The following EPHB2 variants were observed in gnomAD, a reference collection of about 807,000 sequenced individuals.
EPHB2 encodes the protein EPH receptor B2, also known as ephrin type-B receptor 2.
EPHB2 carries 18 observed loss-of-function variants against 96.4 expected under a neutral mutation model. The ratio of observed to expected loss-of-function variants is 0.19; its 90% CI spans 0.13 to 0.28. EPHB2 has a LOEUF of 0.28. Ranked by LOEUF, EPHB2 falls within the 10% of genes least tolerant of loss-of-function variation. The probability of loss-of-function intolerance (pLI) is 1.00; values close to 1 mark genes in which losing one functional copy is unlikely to be tolerated. For synonymous variants in EPHB2, 506 were observed against 534.1 expected (o/e 0.95, Z 0.72); for missense variants, 989 against 1,355.4 (o/e 0.73, Z 4.25).
In EPHB2 at chr1:22,865,205, C is replaced by T; in HGVS notation, c.1296C>T (p.Asn432=). ...PQFASVNITT[N]QAAPSAVSIM... ...TCGCCTCTGTGAACATCACCACCAACCAGGCAGGTAAGTGCTTCCGACGTG... is the reference window on the plus strand; with the variant it reads ...TCGCCTCTGTGAACATCACCACCAATCAGGCAGGTAAGTGCTTCCGACGTG... Residue 432 remains asparagine, a synonymous_variant, in exon 5 of 16, where the codon AAC becomes AAT. Transcript: ENST00000374630. 3 of 1,614,248 alleles carry T rather than the reference C, an allele frequency of 1.9e-6. No homozygotes were observed. In the Admixed American group the frequency reaches 5.0e-5, roughly 27 times the overall value.
chr1:22,884,498 T>C (rs962920742), intron 6 of EPHB2, among the ~76,000 whole-genome samples: 4 of 151,656 alleles, frequency 2.6e-5, no homozygotes, highest in African/African-American at 9.7e-5. Context: ...TGCACACCTG[T>C]AATCCCAGCT....
chr1:22,747,060 C>A (rs368589385), intron 1 of EPHB2, among the ~76,000 whole-genome samples: 66 of 152,174 alleles, frequency 4.3e-4, no homozygotes, highest in African/African-American at 1.5e-3. Flanking sequence ...AAACTGAGGC[C>A]CAGAGAGGGA....
At chr1:22,845,370 G>A (rs767559635) in intron 3 of EPHB2, among the ~76,000 whole-genome samples, 10 of 152,294 alleles carry the variant, frequency 6.6e-5, no homozygotes, top group South Asian at 2.1e-4. Context: ...AGTTCTGGCC[G>A]CTTTTGGAAC....
intron 1 of EPHB2, among the ~76,000 whole-genome samples, chr1:22,760,624 G>A (rs1644222267): frequency 6.6e-6 from 1 of 152,130 alleles, no homozygotes; most frequent in Non-Finnish European, 1.5e-5. Context: ...CACATGCCAT[G>A]ATCCCCTGTC....
At position 22,846,828 on chromosome 1, in the gene EPHB2, T is replaced by G. The variant is rs371367753; in HGVS notation, c.812-16209T>G. ...ACCACAGTGGTAGAGACCCCTCCTC[T>G]GGGCTTCCAGACCCAGCGCCTCTTC... On this transcript the variant is annotated intron_variant, in intron 3 of 15. Transcript: ENST00000374630. This position sits in a 1 kb window ranked among gnomAD's most constrained non-coding sequence, Gnocchi z 4.3. Among the ~76,000 whole-genome samples the G allele has an allele frequency of 6.8e-4, 103 of 152,330 alleles. No homozygotes were observed. In the East Asian group the frequency reaches 0.014, roughly 21 times the overall value.
intron 3 of EPHB2, among the ~76,000 whole-genome samples, chr1:22,821,875 T>C (rs1054813926): frequency 1.3e-5 from 2 of 152,290 alleles, no homozygotes; most frequent in South Asian, 4.2e-4. Flanking sequence ...TAGGGGTGGT[T>C]TTTGCTTAGT....
At chr1:22,854,297 G>T (rs1645668050) in intron 3 of EPHB2, among the ~76,000 whole-genome samples, 1 of 152,122 alleles carries the variant, frequency 6.6e-6, no homozygotes, top group African/African-American at 2.4e-5. Flanking sequence ...GATCACTTGA[G>T]CCCAAGAGTT....
At chr1:22,773,546 G>A (rs1644407009) in intron 1 of EPHB2, among the ~76,000 whole-genome samples, 1 of 152,166 alleles carries the variant, frequency 6.6e-6, no homozygotes, top group Non-Finnish European at 1.5e-5. Context: ...TAGCTATGAG[G>A]TGTCTGTTCA....
chr1:22,779,845 T>C (rs953914574), intron 1 of EPHB2, among the ~76,000 whole-genome samples: 7 of 152,168 alleles, frequency 4.6e-5, no homozygotes, highest in African/African-American at 1.7e-4. Context: ...GTGGCCACAG[T>C]ATGGGGACTG....
At chr1:22,862,182 C>T (rs1489124746) in intron 3 of EPHB2, among the ~76,000 whole-genome samples, 1 of 152,242 alleles carries the variant, frequency 6.6e-6, no homozygotes, top group African/African-American at 2.4e-5. Flanking sequence ...TAGGCCCTAA[C>T]CTCATACTCA....
chr1:22,908,127 C>T lies in EPHB2; in HGVS notation c.2311C>T (p.Leu771=), dbSNP rs768062582. The T allele has an allele frequency of 2.5e-6, 4 of 1,614,268 alleles. No individual in the cohort carries two copies. Among genetic ancestry groups the T allele is most frequent in the Non-Finnish European group, 3.4e-6 (4 of 1,180,044 alleles). ...KVSDFGLSRF[L]EDDTSDPTYT... ...GTCGGACTTTGGGCTCTCACGCTTT[C>T]TAGAGGACGATACCTCAGACCCCAC... Residue 771 remains leucine (L), a synonymous_variant, in exon 12 of 16, where the codon CTA becomes TTA. Transcript: ENST00000374630.
chr1:22,716,776 G>A (rs1016060551), intron 1 of EPHB2, among the ~76,000 whole-genome samples: 1 of 152,220 alleles, frequency 6.6e-6, no homozygotes, highest in Non-Finnish European at 1.5e-5. Flanking sequence ...TAACAGGAAG[G>A]GGCAGATGGA....
chr1:22,784,335 G>T lies in EPHB2; in HGVS notation c.127-57G>T. On this transcript the variant is annotated intron_variant, in intron 2 of 15. Transcript: ENST00000374630. This position sits in a 1 kb window ranked among gnomAD's most constrained non-coding sequence, Gnocchi z 5.1. ...GAGTCTGTGTCTTCCACCTTAGACT[G>T]AGTGTGTGCTGGGGCTGAGCCCTTA... is the stretch of plus-strand genomic sequence containing the variant. 2 of 1,550,920 alleles carry T rather than the reference G, an allele frequency of 1.3e-6. No individual in the cohort carries two copies. The highest frequency in any genetic ancestry group is 1.1e-5 in the South Asian group (1 of 88,594).
At chr1:22,862,918 C>G in intron 3 of EPHB2, 119 bp from the exon 4 acceptor site, 1 of 1,305,948 alleles carries the variant, frequency 7.7e-7, no homozygotes, top group Non-Finnish European at 1.1e-6. Context: ...GATTTTCCAG[C>G]AGTGGTGCTG....
At chr1:22,735,447 A>T (rs1300835699) in intron 1 of EPHB2, among the ~76,000 whole-genome samples, 1 of 151,720 alleles carries the variant, frequency 6.6e-6, no homozygotes, top group East Asian at 1.9e-4. Flanking sequence ...TCAAAAAAAA[A>T]AAAAGAAGAA....
chr1:22,907,885 T>C, intron 11 of EPHB2, 68 bp from the exon 12 acceptor site: 1 of 1,577,940 alleles, frequency 6.3e-7, no homozygotes, highest in Non-Finnish European at 8.7e-7. Context: ...TTTCCCATTA[T>C]GAGGATGATG....
chr1:22,878,952 CA>C (rs1638936673), intron 5 of EPHB2, among the ~76,000 whole-genome samples: 1 of 152,206 alleles, frequency 6.6e-6, no homozygotes, highest in Admixed American at 6.5e-5. Context: ...TAACACATAT[CA>C]ACGTGCTGTA....
At chr1:22,821,758 C>T (rs10917308) in intron 3 of EPHB2, among the ~76,000 whole-genome samples, 2,099 of 152,290 alleles carry the variant, frequency 0.014, 51 homozygotes, top group African/African-American at 0.048. Flanking sequence ...TGATTCTGTT[C>T]CCAACATGGA....
chr1:22,848,800 C>T (rs1334735626), intron 3 of EPHB2, among the ~76,000 whole-genome samples: 1 of 152,060 alleles, frequency 6.6e-6, no homozygotes, highest in Admixed American at 6.5e-5. Context: ...AGTCACAGGC[C>T]ACTGGGGCAC....
Sources: allele counts gnomAD v4.1 joint callset (sites outside exome capture counted in the v4.1 genomes callset), GRCh38; gene constraint gnomAD v4.1.1; non-coding constraint Gnocchi (gnomAD v3.1); transcripts MANE v1.5; gene names NCBI Gene and HGNC (gene_info 2026-07-23, HGNC 2026-07-21).